ADAT2: variants seen among roughly 807,000 people sequenced by gnomAD.
The protein encoded by ADAT2 is tRNA-specific adenosine-34 deaminase catalytic subunit ADAT2.
In ADAT2, 26 loss-of-function variants were observed where a neutral mutation model predicts 25.9. The ratio of observed to expected loss-of-function variants is 1.00; its 90% CI spans 0.74 to 1.39. ADAT2 has a LOEUF of 1.39. Among genes scored for constraint, ADAT2 ranks in the 40% most tolerant of loss-of-function variants. ADAT2 has a pLI of 0.00. For missense variants in ADAT2, 220 were observed against 244.8 expected, an observed-to-expected ratio of 0.90 and a Z score of 0.68; for synonymous variants, 76 against 86.8, an observed-to-expected ratio of 0.88 and a Z score of 0.69.
In ADAT2 at chr6:143,450,644, C is replaced by T. The variant is rs1779736889; in HGVS notation, c.15G>A (p.Ala5=). The T allele has an allele frequency of 6.2e-7, 1 of 1,613,560 alleles. No homozygotes were observed. The highest frequency in any genetic ancestry group is 1.3e-5 in the African/African-American group (1 of 74,936). MEAK[A]APKPAASGAC... ...CGCCGCTTGCAGCTGGCTTGGGTGC[C>T]GCCTTCGCCTCCATACCCAGCCACC... The change falls in exon 1 of 6, where the codon GCG becomes GCA. Residue 5 remains alanine (A), a synonymous_variant. Coordinates refer to ENST00000237283, the MANE Select transcript of ADAT2 (RefSeq NM_182503.3).
chr6:143,448,687 G>A (rs1779665066), intron 1 of ADAT2, among the ~76,000 whole-genome samples: 1 of 140,430 alleles, frequency 7.1e-6, no homozygotes, highest in South Asian at 2.2e-4. Context: ...TTATTTGCTG[G>A]CTACTCACTC....
In ADAT2 at chr6:143,433,764, A is replaced by G. The variant is rs369599030; in HGVS notation, c.352+67T>C. ...GTTTTCATATTTTGGAAAACAGGCTACGTGTTTGGCCACTCTCTTGTTCAC... is the reference window on the plus strand; with the variant it reads ...GTTTTCATATTTTGGAAAACAGGCTGCGTGTTTGGCCACTCTCTTGTTCAC... On this transcript the variant is annotated intron_variant, in intron 3 of 5. Transcript: ENST00000237283. 3.1e-5 allele frequency: 45 copies of G among 1,468,856 alleles called. No individual in the cohort carries two copies. In the African/African-American group the frequency reaches 4.7e-4, roughly 15 times the overall value. 91.0% of individuals were successfully genotyped at this position (1,468,856 alleles called of 1,614,324 possible).
At chr6:143,429,970 T>C (rs1779057907) in intron 4 of ADAT2, among the ~76,000 whole-genome samples, 1 of 152,186 alleles carries the variant, frequency 6.6e-6, no homozygotes, top group Admixed American at 6.5e-5. Flanking sequence ...TCATCTTCAC[T>C]GGCTTGAGTT....
intron 2 of ADAT2, among the ~76,000 whole-genome samples, chr6:143,438,010 A>T (rs996253056): frequency 6.6e-6 from 1 of 152,222 alleles, no homozygotes; most frequent in Non-Finnish European, 1.5e-5. Context: ...TACATGCTAC[A>T]TGTAGCTACA....
In ADAT2 at chr6:143,433,860, A is replaced by G. The variant is rs1199752409; in HGVS notation, c.323T>C (p.Ile108Thr). 6.2e-7 allele frequency: 1 copy of G among 1,614,138 alleles called. No homozygotes were observed. The highest frequency in any genetic ancestry group is 1.1e-5 in the South Asian group (1 of 91,076). ...CAGGCGGAGAGCAGCTGCACACATA[A>G]TGCACGGCTCCACAGTGACATACAA... is the stretch of plus-strand genomic sequence containing the variant. ...TVLYVTVEPC[I>T]MCAAALRLMK... The change falls in exon 3 of 6, where the codon ATT becomes ACT. Residue 108 changes from isoleucine (I) to threonine (T), a missense_variant. Physicochemically the swap from Ile to Thr is moderately conservative, Grantham distance 89. Transcript: ENST00000237283.
In ADAT2 at chr6:143,440,276, T is replaced by A. The variant is rs769948631; in HGVS notation, c.97-1582A>T. ...TACACACATCATAGGGCATATAAAGTGCAAAGTTGAAGGCATTGTTAAAAC... is the reference window on the plus strand; with the variant it reads ...TACACACATCATAGGGCATATAAAGAGCAAAGTTGAAGGCATTGTTAAAAC... On this transcript the variant is annotated intron_variant, in intron 1 of 5. Transcript: ENST00000237283. This position sits in a 1 kb window ranked among gnomAD's most constrained non-coding sequence, Gnocchi z 4.5. Among the ~76,000 whole-genome samples the A allele has an allele frequency of 1.2e-4, 19 of 152,176 alleles. No individual in the cohort carries two copies. The highest frequency in any genetic ancestry group is 4.6e-4 in the African/African-American group (19 of 41,460).
At chr6:143,448,630 G>C (rs1001225860) in intron 1 of ADAT2, among the ~76,000 whole-genome samples, 1 of 152,098 alleles carries the variant, frequency 6.6e-6, no homozygotes, top group Non-Finnish European at 1.5e-5. Flanking sequence ...AAAAAATTGT[G>C]TATCATTTTA....
Position 143,427,096 on chromosome 6 carries a change from A to AACACAC in ADAT2, c.*1361_*1366dup, listed in dbSNP as rs68003531. The AACACAC allele has an allele frequency of 0.086, 12,040 of 140,184 alleles. 570 individuals are homozygous for AACACAC. Among genetic ancestry groups the AACACAC allele is most frequent in the Middle Eastern group, 0.12 (32 of 278 alleles). 8.7% of individuals were successfully genotyped at this position (140,184 alleles called of 1,614,324 possible). A position where few individuals can be genotyped will look rare whatever the true frequency, so the allele number is the denominator to read the frequency against. On this transcript the variant is annotated 3_prime_UTR_variant, in exon 6 of 6. Coordinates refer to ENST00000237283, the MANE Select transcript of ADAT2 (RefSeq NM_182503.3). The stretch of plus-strand genomic sequence containing the variant: ...CCATAAAACTTTTCAAATGCAGTTA[A>AACACAC]ACACACACACACACACACACACACA...
chr6:143,438,943 A>G (rs927255358), intron 1 of ADAT2, among the ~76,000 whole-genome samples: 4 of 152,178 alleles, frequency 2.6e-5, no homozygotes, highest in East Asian at 1.9e-4. Flanking sequence ...TTCTCATTGG[A>G]AATAGACGTG....
At position 143,436,044 on chromosome 6, in the gene ADAT2, A is replaced by C. The variant is rs1779265338; in HGVS notation, c.202-2063T>G. 6.6e-6 allele frequency among the ~76,000 whole-genome samples: 1 copy of C among 152,242 alleles called. No homozygotes were observed. The highest frequency in any genetic ancestry group is 2.1e-4 in the South Asian group (1 of 4,832). On this transcript the variant is annotated intron_variant, in intron 2 of 5. Transcript: ENST00000237283. This position sits in a 1 kb window ranked among gnomAD's most constrained non-coding sequence, Gnocchi z 4.1. ...TTATTGCACATGTGAGTTAAAATTAAAAGACTGTATATATTTGTATATTGT... is the reference window on the plus strand; with the variant it reads ...TTATTGCACATGTGAGTTAAAATTACAAGACTGTATATATTTGTATATTGT...
At chr6:143,433,512 T>C (rs1013870646) in intron 3 of ADAT2, among the ~76,000 whole-genome samples, 1 of 152,248 alleles carries the variant, frequency 6.6e-6, no homozygotes, top group Non-Finnish European at 1.5e-5. Context: ...GCATATTCTT[T>C]AGGACTTTTC....
At chr6:143,439,036 A>G (rs1335877800) in intron 1 of ADAT2, among the ~76,000 whole-genome samples, 1 of 152,134 alleles carries the variant, frequency 6.6e-6, no homozygotes, top group Non-Finnish European at 1.5e-5. Flanking sequence ...ATATTTGCAA[A>G]AAGGTAGGGG....
At chr6:143,439,780 A>G (rs1314210888) in intron 1 of ADAT2, among the ~76,000 whole-genome samples, 1 of 152,222 alleles carries the variant, frequency 6.6e-6, no homozygotes, top group Non-Finnish European at 1.5e-5. Flanking sequence ...AGATGTTTGC[A>G]TTATTCAAAA....
At chr6:143,431,413 A>ATATTT (rs1562637133) in intron 4 of ADAT2, among the ~76,000 whole-genome samples, 1 of 152,262 alleles carries the variant, frequency 6.6e-6, no homozygotes, top group East Asian at 1.9e-4. Context: ...ATATGGAGTC[A>ATATTT]GCAATTCATT....
Position 143,428,376 on chromosome 6 carries a change from C to T in ADAT2, c.*87G>A. 2 of 1,424,272 alleles carry T rather than the reference C, an allele frequency of 1.4e-6. No homozygotes were observed. Among genetic ancestry groups the T allele is most frequent in the Non-Finnish European group, 1.9e-6 (2 of 1,028,488 alleles). 88.2% of individuals were successfully genotyped at this position (1,424,272 alleles called of 1,614,324 possible). On this transcript the variant is annotated 3_prime_UTR_variant, in exon 6 of 6. Coordinates refer to ENST00000237283, the MANE Select transcript of ADAT2 (RefSeq NM_182503.3). This position sits in a 1 kb window ranked among gnomAD's most constrained non-coding sequence, Gnocchi z 5.0. ...CTGCAGATTAAAAACAATATATAAA[C>T]ATATGATTCAACGATGTCAACAGCT...
At position 143,436,407 on chromosome 6, in the gene ADAT2, C is replaced by T. The variant is rs1274379882; in HGVS notation, c.201+2183G>A. The T allele has an allele frequency of 7.4e-6, 2 of 269,502 alleles. No homozygotes were observed. The highest frequency in any genetic ancestry group is 1.5e-5 in the Non-Finnish European group (2 of 131,676). The allele number at this position is 269,502 out of a possible 1,614,324, so 16.7% of individuals were successfully genotyped here. A position where few individuals can be genotyped will look rare whatever the true frequency, so the allele number is the denominator to read the frequency against. ...ACAGCAGCTACTTTGCTGACTGGAT[C>T]CCCTACAATGGGAAAACAGCTTTCT... On this transcript the variant is annotated intron_variant, in intron 2 of 5. Transcript: ENST00000237283. The surrounding 1 kb of genome is among the most constrained non-coding windows in gnomAD (Gnocchi z 4.1).
chr6:143,449,330 G>T (rs929728925), intron 1 of ADAT2, among the ~76,000 whole-genome samples: 1 of 152,198 alleles, frequency 6.6e-6, no homozygotes, highest in Non-Finnish European at 1.5e-5. Flanking sequence ...GGGATTACAG[G>T]CATGAGCCAC....
At chr6:143,430,669 C>G (rs919173856) in intron 4 of ADAT2, among the ~76,000 whole-genome samples, 19 of 152,072 alleles carry the variant, frequency 1.2e-4, no homozygotes, top group African/African-American at 4.6e-4. Flanking sequence ...GGGTTCAGGC[C>G]ATTCTCCTGC....
In ADAT2 at chr6:143,433,992, A is replaced by T. The variant is rs1366278779; in HGVS notation, c.202-11T>A. On this transcript the variant is annotated splice_polypyrimidine_tract_variant and intron_variant, in intron 2 of 5. Transcript: ENST00000237283. ...TGCATGTCGAGTAGCCTGAAAAGAG[A>T]AAGGGGCTTGCACTGATGCTGTTTG... The T allele has an allele frequency of 6.2e-7, 1 of 1,613,672 alleles. No individual in the cohort carries two copies. The highest frequency in any genetic ancestry group is 8.5e-7 in the Non-Finnish European group (1 of 1,180,022).
Sources: allele counts gnomAD v4.1 joint callset (sites outside exome capture counted in the v4.1 genomes callset), GRCh38; gene constraint gnomAD v4.1.1; non-coding constraint Gnocchi (gnomAD v3.1); transcripts MANE v1.5; gene names NCBI Gene and HGNC (gene_info 2026-07-23, HGNC 2026-07-21).